The following HUNK variants were observed in gnomAD, a reference collection of about 807,000 sequenced individuals.
The protein encoded by HUNK is hormonally up-regulated neu tumor-associated kinase.
Under a neutral mutation model 61.0 loss-of-function variants are expected in HUNK, and 21 were observed. That is an observed-to-expected ratio of 0.34 (90% CI 0.24 to 0.50). The LOEUF is 0.50. Among genes scored for constraint, HUNK ranks in the 20% least tolerant of loss-of-function variants. The pLI is 0.98. For missense variants in HUNK, 772 were observed against 945.7 expected, an observed-to-expected ratio of 0.82 and a Z score of 2.41; for synonymous variants, 371 against 386.1, an observed-to-expected ratio of 0.96 and a Z score of 0.46.
chr21:31,946,557 C>T (rs2052804668), intron 4 of HUNK, among the ~76,000 whole-genome samples: 1 of 152,128 alleles, frequency 6.6e-6, no homozygotes, highest in Non-Finnish European at 1.5e-5. Context: ...TCTCTCCTAC[C>T]CCCTGTCCTG....
In HUNK at chr21:31,974,614, A is replaced by G. The variant is rs1288116553; in HGVS notation, c.1070A>G (p.Tyr357Cys). The G allele has an allele frequency of 1.9e-6, 3 of 1,613,480 alleles. No homozygotes were observed. Among genetic ancestry groups the G allele is most frequent in the South Asian group, 1.1e-5 (1 of 91,036 alleles). The change falls in exon 7 of 11, where the codon TAC (tyrosine) becomes TGC (cysteine). Residue 357 changes from tyrosine to cysteine, a missense_variant. Coordinates refer to ENST00000270112, the MANE Select transcript of HUNK (RefSeq NM_014586.2). ...VVLHMTEKLG[Y>C]KNSDVINTVL... ...CTGCACATGACCGAGAAGCTGGGTT[A>G]CAAGAACAGCGACGTGATCAACACT...
At chr21:31,904,968 C>G (rs553498605) in intron 1 of HUNK, among the ~76,000 whole-genome samples, 1 of 151,850 alleles carries the variant, frequency 6.6e-6, no homozygotes, top group Admixed American at 6.6e-5. Flanking sequence ...ATCCCAGCTA[C>G]TCGGGAGGCT....
At chr21:31,904,828 A>G (rs2052493945) in intron 1 of HUNK, among the ~76,000 whole-genome samples, 1 of 152,174 alleles carries the variant, frequency 6.6e-6, no homozygotes, top group African/African-American at 2.4e-5. Context: ...GTGGTGGCTC[A>G]TGCCTGTAAT....
intron 4 of HUNK, among the ~76,000 whole-genome samples, chr21:31,956,906 A>G (rs2052893243): frequency 6.6e-6 from 1 of 152,196 alleles, no homozygotes; most frequent in African/African-American, 2.4e-5. Flanking sequence ...ACACACAGGG[A>G]AATGCCACCC....
At chr21:31,958,444 G>T (rs374385666) in intron 4 of HUNK, among the ~76,000 whole-genome samples, 8 of 151,900 alleles carry the variant, frequency 5.3e-5, no homozygotes, top group African/African-American at 1.4e-4. Context: ...GATTACAGGC[G>T]CCCGCCACCA....
chr21:31,901,024 C>T (rs1262372838), intron 1 of HUNK, among the ~76,000 whole-genome samples: 1 of 152,192 alleles, frequency 6.6e-6, no homozygotes, highest in African/African-American at 2.4e-5. Flanking sequence ...CGACTCCAGC[C>T]TTCCCATGGC....
At position 31,946,168 on chromosome 21, in the gene HUNK, C is replaced by T. The variant is rs1168447146; in HGVS notation, c.743C>T (p.Ser248Phe). ...KKYGPKIDVW[S>F]IGVNMYAMLT... ...TACGGCCCCAAAATCGATGTCTGGT[C>T]CATGTGAGTTATCAAGCTTCTGAAA... The change falls in exon 4 of 11, where the codon TCC (serine) becomes TTC (phenylalanine). Residue 248 changes from serine (S) to phenylalanine (F), a missense_variant. By Grantham distance (155) the Ser-to-Phe change is radical. Around this residue, in one of 2 missense-constraint regions of HUNK, gnomAD observed 359 missense variants for 501.3 expected, o/e 0.72. Coordinates refer to ENST00000270112, the MANE Select transcript of HUNK (RefSeq NM_014586.2). 6.2e-7 allele frequency: 1 copy of T among 1,610,374 alleles called. No individual in the cohort carries two copies. The highest frequency in any genetic ancestry group is 8.5e-7 in the Non-Finnish European group (1 of 1,176,988).
chr21:31,882,070 CT>C (rs2123787952), intron 1 of HUNK, among the ~76,000 whole-genome samples: 1 of 152,150 alleles, frequency 6.6e-6, no homozygotes, highest in South Asian at 2.1e-4. Flanking sequence ...GAGACCCCCC[CT>C]CCCCCATCAC....
chr21:31,874,104 C>T (rs933372013), intron 1 of HUNK, among the ~76,000 whole-genome samples, 169 bp downstream of exon 1: 2 of 1,832 alleles, frequency 1.1e-3, no homozygotes, highest in Non-Finnish European at 1.8e-3. Flanking sequence ...CATCTCGCAG[C>T]CTTTCCCGAA....
At chr21:31,990,888 G>C (rs1362103086) in intron 9 of HUNK, among the ~76,000 whole-genome samples, 1 of 152,080 alleles carries the variant, frequency 6.6e-6, no homozygotes, top group Non-Finnish European at 1.5e-5. Flanking sequence ...ACTGGTGTTT[G>C]GCCAAACAAC....
chr21:31,977,127 A>G (rs1424562342), intron 7 of HUNK, among the ~76,000 whole-genome samples: 1 of 152,090 alleles, frequency 6.6e-6, no homozygotes, highest in Non-Finnish European at 1.5e-5. Context: ...ATACTTTAAA[A>G]TTTCTATTTA....
chr21:31,974,764 A>G, intron 7 of HUNK, 47 bp downstream of exon 7: 1 of 1,526,248 alleles, frequency 6.6e-7, no homozygotes, highest in Non-Finnish European at 8.8e-7. Context: ...TGTGGAAAAA[A>G]GAGCTCCTAC....
intron 7 of HUNK, among the ~76,000 whole-genome samples, chr21:31,979,802 A>C (rs2053082438): frequency 6.6e-6 from 1 of 152,124 alleles, no homozygotes; most frequent in Non-Finnish European, 1.5e-5. Flanking sequence ...GGCATAAGCC[A>C]CCACGCCCAG....
chr21:31,986,205 C>T (rs998406901), intron 8 of HUNK, among the ~76,000 whole-genome samples: 3 of 151,968 alleles, frequency 2.0e-5, no homozygotes, highest in Non-Finnish European at 2.9e-5. Context: ...TCTCCCCCCG[C>T]CGCCCTCCGC....
At chr21:31,913,275 G>C (rs2052558715) in intron 1 of HUNK, among the ~76,000 whole-genome samples, 1 of 152,130 alleles carries the variant, frequency 6.6e-6, no homozygotes, top group African/African-American at 2.4e-5. Context: ...TGGGAATTGG[G>C]GTTGACCTGG....
chr21:31,889,015 C>T (rs1053796226), intron 1 of HUNK, among the ~76,000 whole-genome samples: 8 of 152,086 alleles, frequency 5.3e-5, no homozygotes, highest in African/African-American at 1.2e-4. Context: ...TTCTCTTTTG[C>T]GCTGGGGGCT....
intron 2 of HUNK, among the ~76,000 whole-genome samples, chr21:31,925,083 G>C (rs2052650912): frequency 6.6e-6 from 1 of 152,084 alleles, no homozygotes; most frequent in African/African-American, 2.4e-5. Context: ...ATTTTTAGTA[G>C]AGACGGGGTT....
chr21:31,931,922 G>A (rs900663601), intron 2 of HUNK, among the ~76,000 whole-genome samples: 20 of 150,794 alleles, frequency 1.3e-4, no homozygotes, highest in African/African-American at 4.6e-4. Flanking sequence ...ATGCACGCGC[G>A]CACACACACA....
rs148673553 is a variant in HUNK at position 31,949,575 on chromosome 21, G to GCACACACA, written c.746+3416_746+3423dup. Among the ~76,000 whole-genome samples, 1,322 of 150,606 alleles carry GCACACACA rather than the reference G, an allele frequency of 8.8e-3. 22 individuals are homozygous for GCACACACA. The highest frequency in any genetic ancestry group is 0.031 in the African/African-American group (1,277 of 41,126). On this transcript the variant is annotated intron_variant, in intron 4 of 10. Transcript: ENST00000270112. ...GGAAGCTATGAGAGGAAGAATTTGT[G>GCACACACA]CACACACACACACACACACGCACAC...
Sources: allele counts gnomAD v4.1 joint callset (sites outside exome capture counted in the v4.1 genomes callset), GRCh38; gene constraint gnomAD v4.1.1; regional missense constraint gnomAD v4.1.1; transcripts MANE v1.5; gene names NCBI Gene and HGNC (gene_info 2026-07-23, HGNC 2026-07-21).